Variants in CBLB observed in about 807,000 individuals in gnomAD.
CBLB encodes the protein E3 ubiquitin-protein ligase CBL-B.
Under a neutral mutation model 104.9 loss-of-function variants are expected in CBLB, and 31 were observed. That is an observed-to-expected ratio of 0.30 (90% CI 0.22 to 0.40). CBLB has a LOEUF of 0.40. Among genes scored for constraint, CBLB ranks in the 10% least tolerant of loss-of-function variants. CBLB has a pLI of 1.00. For missense variants in CBLB, 1,062 were observed against 1,214.6 expected, an observed-to-expected ratio of 0.87 and a Z score of 1.87; for synonymous variants, 440 against 422.6, an observed-to-expected ratio of 1.04 and a Z score of -0.51.
At chr3:105,691,714 A>G (rs1020840827) in intron 13 of CBLB, among the ~76,000 whole-genome samples, 2 of 152,226 alleles carry the variant, frequency 1.3e-5, no homozygotes, top group Admixed American at 1.3e-4. Context: ...CAGAGTATGT[A>G]TAATTGCTTC....
intron 3 of CBLB, among the ~76,000 whole-genome samples, chr3:105,831,350 C>T (rs2087487004): frequency 6.6e-6 from 1 of 152,192 alleles, no homozygotes. Flanking sequence ...AGCTCAAATA[C>T]ATTTCCCCAT....
intron 10 of CBLB, among the ~76,000 whole-genome samples, chr3:105,710,313 A>C (rs1343140983): frequency 1.3e-5 from 2 of 151,860 alleles, no homozygotes; most frequent in Non-Finnish European, 2.9e-5. Context: ...CATCTCTCTA[A>C]TCTTAAGACA....
intron 3 of CBLB, among the ~76,000 whole-genome samples, chr3:105,805,765 G>A (rs532669655): frequency 2.4e-4 from 37 of 152,102 alleles, no homozygotes; most frequent in African/African-American, 7.5e-4. Context: ...TCCAGTCCCC[G>A]AAATTGGAAT....
chr3:105,718,029 T>C (rs2072176939), intron 10 of CBLB, among the ~76,000 whole-genome samples: 1 of 152,144 alleles, frequency 6.6e-6, no homozygotes, highest in Admixed American at 6.5e-5. Flanking sequence ...TAGCATGCCA[T>C]TACTACTCTG....
chr3:105,840,129 T>C (rs139310674), intron 3 of CBLB, among the ~76,000 whole-genome samples: 6 of 152,346 alleles, frequency 3.9e-5, no homozygotes, highest in African/African-American at 1.2e-4. Context: ...CGAAGGGTTT[T>C]CAGCATCTGT....
At chr3:105,821,582 A>T (rs988599939) in intron 3 of CBLB, among the ~76,000 whole-genome samples, 1 of 152,196 alleles carries the variant, frequency 6.6e-6, no homozygotes, top group Non-Finnish European at 1.5e-5. Flanking sequence ...TACAAAGGTC[A>T]GGGCTTTTCA....
chr3:105,840,600 T>C (rs937837875), intron 3 of CBLB, among the ~76,000 whole-genome samples: 1 of 152,162 alleles, frequency 6.6e-6, no homozygotes, highest in Non-Finnish European at 1.5e-5. Context: ...GTAACGAAAC[T>C]TCATTTAGAA....
In CBLB at chr3:105,685,382, T is replaced by G; in HGVS notation, c.2139A>C (p.Ser713=). ...EEDDDEYKIP[S]SHPVSLNSQP... ...GTGAATTCAGGGAAACAGGGTGGGA[T>G]GAAGGAATCTTGTATTCATCATCAT... is the stretch of plus-strand genomic sequence containing the variant. Residue 713 remains serine, a synonymous_variant, in exon 14 of 19, where the codon TCA becomes TCC. Coordinates refer to ENST00000394030, the MANE Select transcript of CBLB (RefSeq NM_170662.5). The G allele has an allele frequency of 3.1e-6, 5 of 1,613,144 alleles. No individual in the cohort carries two copies. The highest frequency in any genetic ancestry group is 4.2e-6 in the Non-Finnish European group (5 of 1,179,180).
intron 10 of CBLB, among the ~76,000 whole-genome samples, chr3:105,707,921 A>C (rs2070440427): frequency 6.6e-6 from 1 of 152,118 alleles, no homozygotes; most frequent in African/African-American, 2.4e-5. Flanking sequence ...TTAAAAGACA[A>C]TGCTGTCTTT....
intron 3 of CBLB, among the ~76,000 whole-genome samples, chr3:105,846,954 T>A (rs934647192): frequency 2.0e-5 from 3 of 152,086 alleles, no homozygotes; most frequent in African/African-American, 7.2e-5. Flanking sequence ...AATATAAATT[T>A]AAGCATTTAA....
chr3:105,656,986 C>T lies in CBLB; in HGVS notation c.*1984G>A, dbSNP rs1176301092. On this transcript the variant is annotated 3_prime_UTR_variant, in exon 19 of 19. Transcript: ENST00000394030. ...AATTTTAAAAGTGTAAGAAACTTCA[C>T]TCATGTACCTACTCATGGGAAGAAC... The T allele has an allele frequency of 4.5e-6, 1 of 222,806 alleles. No individual in the cohort carries two copies. Among genetic ancestry groups the T allele is most frequent in the Non-Finnish European group, 9.0e-6 (1 of 111,450 alleles). 13.8% of individuals were successfully genotyped at this position (222,806 alleles called of 1,614,324 possible). A position where few individuals can be genotyped will look rare whatever the true frequency, so the allele number is the denominator to read the frequency against.
intron 10 of CBLB, among the ~76,000 whole-genome samples, chr3:105,719,627 T>C (rs1347870021): frequency 6.6e-6 from 1 of 152,216 alleles, no homozygotes; most frequent in African/African-American, 2.4e-5. Context: ...GTATAGCACA[T>C]ATACTTGTGT....
At chr3:105,849,921 T>G (rs2090738309) in intron 3 of CBLB, among the ~76,000 whole-genome samples, 1 of 152,118 alleles carries the variant, frequency 6.6e-6, no homozygotes, top group Non-Finnish European at 1.5e-5. Context: ...AACATAAATA[T>G]CTGACTTCCC....
chr3:105,762,862 A>G (rs1373081315), intron 4 of CBLB, among the ~76,000 whole-genome samples: 1 of 152,094 alleles, frequency 6.6e-6, no homozygotes, highest in Non-Finnish European at 1.5e-5. Flanking sequence ...ATCTACCAAC[A>G]TTTTGCACCA....
At chr3:105,734,537 A>C (rs1010817764) in intron 8 of CBLB, among the ~76,000 whole-genome samples, 6 of 152,208 alleles carry the variant, frequency 3.9e-5, no homozygotes, top group African/African-American at 1.4e-4. Flanking sequence ...AAATTGAAAA[A>C]AAAATGATAC....
At chr3:105,807,736 G>T (rs2083704039) in intron 3 of CBLB, among the ~76,000 whole-genome samples, 2 of 152,248 alleles carry the variant, frequency 1.3e-5, no homozygotes, top group South Asian at 2.1e-4. Context: ...ACTATACTGT[G>T]AGTTTGTGCA....
Position 105,737,217 on chromosome 3 carries a change from G to C in CBLB, c.1025C>G (p.Thr342Ser), listed in dbSNP as rs753784982. ...PDGRSYNPDL[T>S]GLCEPTPHDH... Reference sequence around the variant, plus strand: ...ATGAGGTGTAGGTTCACATAATCCAGTTAAATCAGGATTATAACTCCTCCC... The same window carrying C: ...ATGAGGTGTAGGTTCACATAATCCACTTAAATCAGGATTATAACTCCTCCC... The change falls in exon 8 of 19, where the codon ACT (threonine) becomes AGT (serine). Residue 342 changes from threonine (T) to serine (S), a missense_variant. Physicochemically the swap from Thr to Ser is moderately conservative, Grantham distance 58 (BLOSUM62 1). Around this residue, in one of 2 missense-constraint regions of CBLB, gnomAD observed 457 missense variants for 632.0 expected, o/e 0.72. Coordinates refer to ENST00000394030, the MANE Select transcript of CBLB (RefSeq NM_170662.5). 2 of 1,592,954 alleles carry C rather than the reference G, an allele frequency of 1.3e-6. No individual in the cohort carries two copies. Among genetic ancestry groups the C allele is most frequent in the Non-Finnish European group, 1.7e-6 (2 of 1,163,042 alleles).
intron 3 of CBLB, among the ~76,000 whole-genome samples, chr3:105,829,845 T>C (rs2087200612): frequency 6.6e-6 from 1 of 152,188 alleles, no homozygotes; most frequent in Admixed American, 6.5e-5. Context: ...ATTCTTGCTA[T>C]TGAAAGCCAT....
At chr3:105,821,102 T>A (rs541762826) in intron 3 of CBLB, among the ~76,000 whole-genome samples, 1 of 152,288 alleles carries the variant, frequency 6.6e-6, no homozygotes, top group Non-Finnish European at 1.5e-5. Flanking sequence ...TCATATTGTT[T>A]CTGTTTTACC....
Sources: gnomAD v4.1 joint callset for allele counts (sites outside exome capture counted in the v4.1 genomes callset) on GRCh38, gnomAD v4.1.1 for gene constraint, gnomAD v4.1.1 regional missense constraint, MANE v1.5 for transcripts, NCBI Gene and HGNC (gene_info 2026-07-23, HGNC 2026-07-21) for gene names.